ADCY10: variants seen among roughly 807,000 people sequenced by gnomAD.
ADCY10 encodes the protein adenylate cyclase type 10.
ADCY10 carries 156 observed loss-of-function variants against 183.3 expected under a neutral mutation model. The observed-to-expected ratio is 0.85, with a 90% CI of 0.75 to 0.97. ADCY10 has a LOEUF of 0.97. Among genes scored for constraint, ADCY10 ranks in the 50% least tolerant of loss-of-function variants. ADCY10 has a pLI of 0.00. For missense variants in ADCY10, 1,745 were observed against 1,934.3 expected (o/e 0.90, Z 1.84); for synonymous variants, 645 against 670.0 (o/e 0.96, Z 0.58).
chr1:167,840,607 C>T (rs1157879466), intron 21 of ADCY10, among the ~76,000 whole-genome samples: 5 of 152,058 alleles, frequency 3.3e-5, no homozygotes, highest in African/African-American at 4.8e-5. Context: ...CTGCCTGCCT[C>T]GGCCTCACAA....
chr1:167,893,779 T>G (rs1668762972), intron 8 of ADCY10, 74 bp downstream of exon 8: 1 of 1,004,368 alleles, frequency 1.0e-6, no homozygotes, highest in Non-Finnish European at 1.5e-6. Context: ...TGTTTTTTTT[T>G]TCTTAAATCT....
At chr1:167,813,280 C>A (rs1269941489) in intron 31 of ADCY10, among the ~76,000 whole-genome samples, 1 of 151,892 alleles carries the variant, frequency 6.6e-6, no homozygotes, top group Non-Finnish European at 1.5e-5. Flanking sequence ...TACAAGACAT[C>A]TTCAATAAGA....
intron 28 of ADCY10, among the ~76,000 whole-genome samples, chr1:167,824,080 G>C (rs1663097907): frequency 6.6e-6 from 1 of 152,238 alleles, no homozygotes; most frequent in African/African-American, 2.4e-5. Flanking sequence ...CAACACTTTG[G>C]GAGGCTGAGG....
Position 167,878,432 on chromosome 1 carries a change from T to A in ADCY10, c.1406+14A>T, listed in dbSNP as rs916251323. 1 of 1,612,550 alleles carries A rather than the reference T, an allele frequency of 6.2e-7. No individual in the cohort carries two copies. Among genetic ancestry groups the A allele is most frequent in the Admixed American group, 1.7e-5 (1 of 60,030 alleles). On this transcript the variant is annotated intron_variant, in intron 12 of 32. Transcript: ENST00000367851. ...TTACTAAAATATACTTCAAAATTAA[T>A]GCTCCACACTCACACTTTCTCAGTA...
intron 14 of ADCY10, among the ~76,000 whole-genome samples, chr1:167,868,101 C>G (rs1666833430): frequency 6.6e-6 from 1 of 152,142 alleles, no homozygotes; most frequent in Non-Finnish European, 1.5e-5. Context: ...TCTCCGGAAC[C>G]AGTATTTCAG....
rs1191104644 is a variant in ADCY10, at chr1:167,854,506, G to A, written c.2172-17C>T. 1 of 1,613,870 alleles carries A rather than the reference G, an allele frequency of 6.2e-7. No homozygotes were observed. The highest frequency in any genetic ancestry group is 1.3e-5 in the African/African-American group (1 of 74,890). On this transcript the variant is annotated splice_polypyrimidine_tract_variant and intron_variant, in intron 17 of 32. Transcript: ENST00000367851. ...CCCAGGTACCTGTAGTGAAAACAAG[G>A]CAATCTGTTTACATTGAAGATACAT...
chr1:167,874,062 T>G lies in ADCY10; in HGVS notation c.1462+1069A>C, dbSNP rs571901609. 2.0e-5 allele frequency among the ~76,000 whole-genome samples: 3 copies of G among 152,340 alleles called. No homozygotes were observed. In the South Asian group the frequency reaches 6.2e-4, roughly 32 times the overall value. On this transcript the variant is annotated intron_variant, in intron 13 of 32. Transcript: ENST00000367851. Reference sequence around the variant, plus strand: ...AAAAAAATGTCTGGGCTGGGCACAGTGGCTCACGCCTGTAATCCCAGCACT... The same window carrying G: ...AAAAAAATGTCTGGGCTGGGCACAGGGGCTCACGCCTGTAATCCCAGCACT...
chr1:167,815,834 AATAAATGCT>A (rs1235266779), intron 31 of ADCY10, among the ~76,000 whole-genome samples: 9 of 152,298 alleles, frequency 5.9e-5, no homozygotes, highest in African/African-American at 1.7e-4. Flanking sequence ...AAGAACAAAA[AATAAATGCT>A]AGAGATCAAA....
In ADCY10 at chr1:167,846,073, G is replaced by A; in HGVS notation, c.2628C>T (p.Gly876=). ...ESNIFYCFRN[G]KELQKALKQN... is the part of the protein sequence containing the mutation. ...GTTTCAGGGCCTTTTGAAGCTCCTT[G>A]CCATTCCGGAAACAATAAAAAATGT... The change falls in exon 20 of 33, where the codon GGC becomes GGT. Residue 876 remains glycine, a synonymous_variant. Transcript: ENST00000367851. The A allele has an allele frequency of 1.2e-6, 2 of 1,614,182 alleles. No individual in the cohort carries two copies. The highest frequency in any genetic ancestry group is 1.7e-5 in the Admixed American group (1 of 60,022).
At chr1:167,913,181 CT>C (rs1670259544) in intron 1 of ADCY10, among the ~76,000 whole-genome samples, 1 of 152,076 alleles carries the variant, frequency 6.6e-6, no homozygotes, top group Non-Finnish European at 1.5e-5. Flanking sequence ...ATGAGGATAC[CT>C]GAGTCAAAAG....
In ADCY10 at chr1:167,878,555, T is replaced by C. The variant is rs755172558; in HGVS notation, c.1297A>G (p.Asn433Asp). ...AAGTACGCTGGTAGGTTGCTCCCAT[T>C]GTAGGTGACAGAGTCGCAGGTCACA... is the stretch of plus-strand genomic sequence containing the variant. ...GIVTCDSVTYNGSNLPAYFFK... is the reference protein window; with the variant it reads ...GIVTCDSVTYDGSNLPAYFFK... Residue 433 changes from asparagine (N) to aspartate (D), a missense_variant, in exon 12 of 33, where the codon AAT becomes GAT. By Grantham distance (23) the Asn-to-Asp change is conservative. Coordinates refer to ENST00000367851, the MANE Select transcript of ADCY10 (RefSeq NM_018417.6). 5 of 1,614,190 alleles carry C rather than the reference T, an allele frequency of 3.1e-6. No homozygotes were observed. In the Admixed American group the frequency reaches 5.0e-5, roughly 16 times the overall value.
At chr1:167,907,085 A>C (rs547556403) in intron 1 of ADCY10, among the ~76,000 whole-genome samples, 1 of 152,346 alleles carries the variant, frequency 6.6e-6, no homozygotes, top group Admixed American at 6.5e-5. Context: ...ATTTTAAATA[A>C]ATTCTAGCTA....
At chr1:167,822,233 GGA>G (rs1662958399) in intron 29 of ADCY10, 92 bp from the exon 30 acceptor site, 3 of 878,644 alleles carry the variant, frequency 3.4e-6, no homozygotes. Context: ...CCCACTGCAG[GGA>G]GAGTTGCCTC....
intron 19 of ADCY10, among the ~76,000 whole-genome samples, chr1:167,847,246 G>A (rs1233295364): frequency 1.3e-5 from 2 of 151,946 alleles, no homozygotes; most frequent in African/African-American, 4.8e-5. Flanking sequence ...CACAGCTAAC[G>A]AAACATAAAT....
chr1:167,824,533 G>C lies in ADCY10; in HGVS notation c.3995C>G (p.Pro1332Arg), dbSNP rs1292078395. The C allele has an allele frequency of 6.2e-7, 1 of 1,614,188 alleles. No homozygotes were observed. ...ALQMWALLQN[P>R]NRHYQSLCRL... ...GCAGAGGGACTGATAATGTCGGTTG[G>C]GATTCTGGAGCAGTGCCCACATCTG... Residue 1332 changes from proline to arginine, a missense_variant, in exon 28 of 33, where the codon CCC becomes CGC. Pro to Arg is a moderately radical substitution (Grantham distance 103, BLOSUM62 -2). Coordinates refer to ENST00000367851, the MANE Select transcript of ADCY10 (RefSeq NM_018417.6).
At chr1:167,885,760 G>T (rs140001034) in intron 8 of ADCY10, among the ~76,000 whole-genome samples, 1 of 151,842 alleles carries the variant, frequency 6.6e-6, no homozygotes, top group East Asian at 1.9e-4. Context: ...GATTACAGGC[G>T]CCCACCACTA....
chr1:167,870,358 T>C lies in ADCY10; in HGVS notation c.1515A>G (p.Ile505Met). 3.1e-6 allele frequency: 5 copies of C among 1,613,510 alleles called. No homozygotes were observed. In the South Asian group the frequency reaches 5.5e-5, roughly 18 times the overall value. Residue 505 changes from isoleucine to methionine, a missense_variant, in exon 14 of 33, where the codon ATA (isoleucine) becomes ATG (methionine). Ile to Met is a conservative substitution (Grantham distance 10). Transcript: ENST00000367851. ...ACATTAAGACTTGGCTGCTGTTAGA[T>C]ATCAAAAATTTCTTCATAGTATACA... ...YFMYTMKKFL[I>M]SNSSQVLMYE...
At chr1:167,854,836 G>C (rs886555635) in intron 17 of ADCY10, among the ~76,000 whole-genome samples, 66 of 152,076 alleles carry the variant, frequency 4.3e-4, no homozygotes, top group African/African-American at 1.3e-3. Context: ...AACAGAGAGA[G>C]GGGGAGAGAG....
Position 167,902,027 on chromosome 1 carries a change from A to C in ADCY10, c.281T>G (p.Leu94Arg). Reference protein sequence around the residue: ...EKVLIFGGDILKFAGDALLAL... With the variant: ...EKVLIFGGDIRKFAGDALLAL... ...GTAAGCCCCCATACCTGCAAATTTC[A>C]GGATGTCTCCTCCAAAAATCAACAC... Residue 94 changes from leucine to arginine, a missense_variant, in exon 4 of 33, where the codon CTG (leucine) becomes CGG (arginine). Transcript: ENST00000367851. 6.2e-7 allele frequency: 1 copy of C among 1,613,606 alleles called. No homozygotes were observed.
Sources: gnomAD v4.1 joint callset for allele counts (sites outside exome capture counted in the v4.1 genomes callset) on GRCh38, gnomAD v4.1.1 for gene constraint, MANE v1.5 for transcripts, NCBI Gene and HGNC (gene_info 2026-07-23, HGNC 2026-07-21) for gene names.